ZNG1A: variants seen among roughly 807,000 people sequenced by gnomAD.
The protein encoded by ZNG1A is Zn regulated GTPase metalloprotein activator 1A, also known as zinc-regulated GTPase metalloprotein activator 1A.
chr9:125,132 C>T, the ZNG1A span, among the ~76,000 whole-genome samples: 2 of 152,196 alleles, frequency 1.3e-5, no homozygotes, highest in Non-Finnish European at 2.9e-5. Flanking sequence ...GGAATCTCCA[C>T]AGTTTTCCAT....
At chr9:144,412 C>A in the ZNG1A span, among the ~76,000 whole-genome samples, 2 of 150,776 alleles carry the variant, frequency 1.3e-5, no homozygotes, top group African/African-American at 4.9e-5. Flanking sequence ...ACTATCTGAT[C>A]TTTGACAAAC....
chr9:163,827 G>C, the ZNG1A span: 4 of 1,102,446 alleles, frequency 3.6e-6, no homozygotes, highest in Non-Finnish European at 2.6e-6. Flanking sequence ...TGAGGCAAGA[G>C]AATCACTTGA....
chr9:164,052 T>C, the ZNG1A span: 8 of 1,563,040 alleles, frequency 5.1e-6, 1 homozygote, highest in Admixed American at 2.0e-5. Flanking sequence ...AAATATATAA[T>C]ATTCATCAAA....
chr9:146,902 G>A, the ZNG1A span: 11 of 152,302 alleles, frequency 7.2e-5, no homozygotes, highest in East Asian at 1.9e-4. Flanking sequence ...CAGGCCGGGC[G>A]CGGTGGCTCA....
chr9:174,415 C>T, the ZNG1A span, among the ~76,000 whole-genome samples: 4 of 151,664 alleles, frequency 2.6e-5, no homozygotes, highest in Non-Finnish European at 5.9e-5. Context: ...AAAGAGGTTG[C>T]TACAGAATTT....
chr9:147,090 A>G, the ZNG1A span: 1 of 150,270 alleles, frequency 6.7e-6, no homozygotes, highest in Non-Finnish European at 1.5e-5. Context: ...CGGCAGGAGA[A>G]TCATTTGAAC....
chr9:141,574 C>G, the ZNG1A span, among the ~76,000 whole-genome samples: 1 of 151,344 alleles, frequency 6.6e-6, no homozygotes, highest in Admixed American at 6.6e-5. Flanking sequence ...CCGGTACCAG[C>G]CGCTGCAGAA....
chr9:167,127 A>G, the ZNG1A span: 1 of 152,034 alleles, frequency 6.6e-6, no homozygotes, highest in Non-Finnish European at 1.5e-5. Context: ...TCAAGGAGGT[A>G]GGGAGAAAAA....
chr9:173,933 G>A, the ZNG1A span, among the ~76,000 whole-genome samples: 2 of 152,058 alleles, frequency 1.3e-5, no homozygotes, highest in Admixed American at 1.3e-4. Flanking sequence ...GGATCACGAG[G>A]TCAGGAGACC....
chr9:165,547 C>T, the ZNG1A span, among the ~76,000 whole-genome samples: 5 of 136,002 alleles, frequency 3.7e-5, no homozygotes, highest in Non-Finnish European at 7.6e-5. Flanking sequence ...AATCAGGGTG[C>T]TTTTCTCCCC....
the ZNG1A span, among the ~76,000 whole-genome samples, chr9:145,543 T>G: frequency 9.7e-6 from 1 of 103,394 alleles, no homozygotes; most frequent in African/African-American, 3.8e-5. Flanking sequence ...TTCTGGGGAC[T>G]GTTGTGGGGT....
chr9:154,671 T>G, the ZNG1A span: 3 of 1,451,910 alleles, frequency 2.1e-6, no homozygotes, highest in African/African-American at 4.2e-5. Context: ...GTATACAACA[T>G]GGATCTGTAG....
At chr9:161,093 T>C in the ZNG1A span, among the ~76,000 whole-genome samples, 5 of 152,024 alleles carry the variant, frequency 3.3e-5, no homozygotes, top group East Asian at 9.7e-4. Flanking sequence ...GAAGAGGTAT[T>C]GGTAGCTATT....
At chr9:170,407 G>GTGTGTGTGTA in the ZNG1A span, among the ~76,000 whole-genome samples, 39 of 145,922 alleles carry the variant, frequency 2.7e-4, 1 homozygote, top group African/African-American at 9.9e-4. Flanking sequence ...GTGTGTGTGT[G>GTGTGTGTGTA]TACAGTCTTG....
chr9:171,972 G>A, the ZNG1A span: 1 of 1,573,590 alleles, frequency 6.4e-7, no homozygotes, highest in Non-Finnish European at 8.7e-7. Context: ...AAAGTTTTTG[G>A]TTTAATACTA....
chr9:126,818 G>A, the ZNG1A span, among the ~76,000 whole-genome samples: 173 of 152,020 alleles, frequency 1.1e-3, no homozygotes, highest in African/African-American at 3.9e-3. Context: ...TGATGGAGGC[G>A]CTCAGGGCCG....
the ZNG1A span, among the ~76,000 whole-genome samples, chr9:137,567 G>C: frequency 6.6e-6 from 1 of 152,062 alleles, no homozygotes; most frequent in East Asian, 1.9e-4. Context: ...GTCAAATGAA[G>C]AGCTGGAACC....
At chr9:126,458 T>G in the ZNG1A span, among the ~76,000 whole-genome samples, 4 of 151,594 alleles carry the variant, frequency 2.6e-5, no homozygotes, top group Non-Finnish European at 5.9e-5. Context: ...TTCCAGGAAT[T>G]TCTCCATCTA....
the ZNG1A span, among the ~76,000 whole-genome samples, chr9:173,856 G>T: frequency 6.6e-6 from 1 of 152,070 alleles, no homozygotes; most frequent in East Asian, 1.9e-4. Context: ...TCATCTTGAG[G>T]AAGGTTTTTG....
Sources: allele counts gnomAD v4.1 joint callset (sites outside exome capture counted in the v4.1 genomes callset), GRCh38; gene constraint gnomAD v4.1.1; transcripts MANE v1.5; gene names NCBI Gene and HGNC (gene_info 2026-07-23, HGNC 2026-07-21).